ACTR3C: variants seen among roughly 807,000 people sequenced by gnomAD.
ACTR3C encodes actin-related protein 3C.
Under a neutral mutation model 26.3 loss-of-function variants are expected in ACTR3C, and 18 were observed. The observed-to-expected ratio is 0.68, with a 90% CI of 0.47 to 1.01. The LOEUF is 1.01. ACTR3C is among the 50% of genes least tolerant of loss of function. The pLI, the probability that ACTR3C is intolerant of heterozygous loss-of-function variation, is 0.00. For missense variants in ACTR3C, 184 were observed against 250.7 expected (o/e 0.73, Z 1.80); for synonymous variants, 55 against 94.5 (o/e 0.58, Z 2.42).
At chr7:150,143,917 AAGG>A in the ACTR3C span, among the ~76,000 whole-genome samples, 3 of 152,210 alleles carry the variant, frequency 2.0e-5, no homozygotes, top group African/African-American at 7.2e-5. Flanking sequence ...TCTGGAAGAG[AAGG>A]AGATCAGGTG....
the ACTR3C span, among the ~76,000 whole-genome samples, chr7:150,199,688 TA>T: frequency 0.15 from 5,513 of 36,306 alleles, 321 homozygotes; most frequent in African/African-American, 0.26. Context: ...ACAAGAAAAG[TA>T]AAAAAAAAAA....
intron 5 of ACTR3C, among the ~76,000 whole-genome samples, chr7:150,285,517 C>G (rs1476723837): frequency 6.6e-6 from 1 of 152,218 alleles, no homozygotes; most frequent in Non-Finnish European, 1.5e-5. Flanking sequence ...TGCTCACCAG[C>G]TGTTCACTGG....
chr7:150,264,130 C>T (rs2129610286), intron 6 of ACTR3C, among the ~76,000 whole-genome samples: 1 of 152,360 alleles, frequency 6.6e-6, no homozygotes, highest in Middle Eastern at 3.4e-3. Context: ...TGGCATCCAT[C>T]TCAAGAGATT....
the ACTR3C span, among the ~76,000 whole-genome samples, chr7:150,023,763 C>G: frequency 2.0e-5 from 3 of 148,298 alleles, no homozygotes; most frequent in Non-Finnish European, 3.0e-5. Flanking sequence ...TACTGAGACC[C>G]TATCTTGTGT....
At chr7:150,081,118 G>A in the ACTR3C span, among the ~76,000 whole-genome samples, 1 of 152,080 alleles carries the variant, frequency 6.6e-6, no homozygotes, top group Non-Finnish European at 1.5e-5. Flanking sequence ...TAGTTACACT[G>A]TGTGTATTAA....
chr7:149,924,997 A>G, the ACTR3C span, among the ~76,000 whole-genome samples: 1 of 152,210 alleles, frequency 6.6e-6, no homozygotes, highest in Non-Finnish European at 1.5e-5. Flanking sequence ...TAATGTGAGC[A>G]TTCTGTAAAG....
the ACTR3C span, among the ~76,000 whole-genome samples, chr7:150,092,115 T>C: frequency 7.0e-6 from 1 of 143,818 alleles, no homozygotes; most frequent in African/African-American, 2.6e-5. Context: ...GTTCTCAGGA[T>C]AGGTAAGTAG....
chr7:149,999,530 C>G, the ACTR3C span, among the ~76,000 whole-genome samples: 1,028 of 145,428 alleles, frequency 7.1e-3, 22 homozygotes, highest in East Asian at 0.036. Context: ...AAGCCCACTT[C>G]TGAGGGTGTT....
At chr7:150,023,909 C>T in the ACTR3C span, among the ~76,000 whole-genome samples, 8 of 116,842 alleles carry the variant, frequency 6.8e-5, no homozygotes, top group East Asian at 5.1e-4. Flanking sequence ...GAACAGGAGC[C>T]GGAGCCATGG....
At chr7:149,979,748 G>C in the ACTR3C span, among the ~76,000 whole-genome samples, 19 of 151,226 alleles carry the variant, frequency 1.3e-4, no homozygotes, top group Admixed American at 3.3e-4. Flanking sequence ...ACTAGATCAA[G>C]TTTCTGATAG....
chr7:150,173,816 C>T, the ACTR3C span, among the ~76,000 whole-genome samples: 13 of 148,894 alleles, frequency 8.7e-5, no homozygotes, highest in Admixed American at 5.9e-4. Context: ...TAAATCATCT[C>T]TCTCAAGTTC....
At chr7:150,170,232 T>C in the ACTR3C span, among the ~76,000 whole-genome samples, 3 of 150,468 alleles carry the variant, frequency 2.0e-5, no homozygotes, top group Non-Finnish European at 2.9e-5. Flanking sequence ...ACAGGGCAGC[T>C]TGCAACATGG....
chr7:150,249,129 C>T, intron 6 of ACTR3C, 75 bp from the exon 7 acceptor site: 1 of 482,770 alleles, frequency 2.1e-6, no homozygotes, highest in Non-Finnish European at 3.7e-6. Flanking sequence ...CATTTGTATA[C>T]TTGGAGTCCA....
chr7:150,006,622 C>T, the ACTR3C span, among the ~76,000 whole-genome samples: 1 of 150,112 alleles, frequency 6.7e-6, no homozygotes, highest in South Asian at 2.2e-4. Context: ...CTTTTCTTAC[C>T]AGTTCCACCT....
the ACTR3C span, among the ~76,000 whole-genome samples, chr7:150,163,727 GGC>G: frequency 5.9e-5 from 9 of 151,930 alleles, no homozygotes; most frequent in Non-Finnish European, 1.2e-4. Context: ...CGAGTCCAAG[GGC>G]CAGAGAAGAT....
At chr7:150,237,066 T>G in the ACTR3C span, among the ~76,000 whole-genome samples, 1 of 151,234 alleles carries the variant, frequency 6.6e-6, no homozygotes, top group Non-Finnish European at 1.5e-5. Flanking sequence ...GTGAAGCCCA[T>G]AGTATTTTTA....
At chr7:150,265,368 AT>A (rs567220674) in intron 6 of ACTR3C, among the ~76,000 whole-genome samples, 55 of 148,946 alleles carry the variant, frequency 3.7e-4, no homozygotes, top group African/African-American at 1.2e-3. Context: ...AATGTAATAG[AT>A]TTTTTTAAAA....
the ACTR3C span, among the ~76,000 whole-genome samples, chr7:149,980,828 C>T: frequency 6.6e-6 from 1 of 152,150 alleles, no homozygotes; most frequent in African/African-American, 2.4e-5. Context: ...AGAATTTAAC[C>T]ATTTGCCACA....
intron 6 of ACTR3C, among the ~76,000 whole-genome samples, chr7:150,284,039 A>G (rs965458611): frequency 6.6e-6 from 1 of 151,950 alleles, no homozygotes; most frequent in Non-Finnish European, 1.5e-5. Context: ...AGCATATTCT[A>G]TCTGACTGTC....
Sources: allele counts gnomAD v4.1 joint callset (sites outside exome capture counted in the v4.1 genomes callset), GRCh38; gene constraint gnomAD v4.1.1; transcripts MANE v1.5; gene names NCBI Gene and HGNC (gene_info 2026-07-23, HGNC 2026-07-21).